The following DTNA variants were observed in gnomAD, a reference collection of about 807,000 sequenced individuals.
DTNA encodes dystrophin-related protein 3.
A neutral mutation model predicts 100.7 loss-of-function variants in DTNA; 43 were observed. The observed-to-expected ratio is 0.43, with a 90% CI of 0.33 to 0.55. The LOEUF is 0.55. Ranked by LOEUF, DTNA falls within the 20% of genes least tolerant of loss-of-function variation. The pLI is 0.04. For missense variants in DTNA, 798 were observed against 953.9 expected (o/e 0.84, Z 2.15); for synonymous variants, 349 against 347.9 (o/e 1.00, Z -0.04).
intron 1 of DTNA, among the ~76,000 whole-genome samples, chr18:34,601,275 A>T (rs1457735644): frequency 6.6e-6 from 1 of 152,188 alleles, no homozygotes; most frequent in African/African-American, 2.4e-5. Flanking sequence ...ATTTATGCAG[A>T]AATTTTTAGG....
chr18:34,511,027 A>T (rs1185164334), intron 1 of DTNA, among the ~76,000 whole-genome samples: 2 of 152,050 alleles, frequency 1.3e-5, no homozygotes, highest in African/African-American at 4.8e-5. Flanking sequence ...ATTTATCCTC[A>T]TTTATAAATT....
Position 34,816,004 on chromosome 18 carries a change from T to C in DTNA, c.699T>C (p.Asn233=). 6.2e-7 allele frequency: 1 copy of C among 1,613,656 alleles called. No homozygotes were observed. Among genetic ancestry groups the C allele is most frequent in the Non-Finnish European group, 8.5e-7 (1 of 1,179,626 alleles). The change falls in exon 7 of 23, where the codon AAT becomes AAC. Residue 233 remains asparagine, a synonymous_variant. Transcript: ENST00000444659. The part of the protein sequence containing the change: ...VWLPLLHRLA[N]VENVFHPVEC... The stretch of plus-strand genomic sequence containing the variant: ...TGCCTCTTCTGCATCGACTAGCAAA[T>C]GTGGAAAATGGTGAGTAGTTACTAA...
At chr18:34,650,370 G>T (rs2060300515) in intron 1 of DTNA, among the ~76,000 whole-genome samples, 1 of 152,092 alleles carries the variant, frequency 6.6e-6, no homozygotes, top group Non-Finnish European at 1.5e-5. Flanking sequence ...ACTGTAAATA[G>T]TGAAAGAAAT....
intron 4 of DTNA, among the ~76,000 whole-genome samples, chr18:34,800,873 A>T (rs540585845): frequency 1.3e-5 from 2 of 152,298 alleles, no homozygotes; most frequent in South Asian, 4.1e-4. Context: ...TGTCAAAAAC[A>T]AATATTCTCT....
intron 1 of DTNA, among the ~76,000 whole-genome samples, chr18:34,529,412 A>C (rs571196566): frequency 6.6e-6 from 1 of 152,250 alleles, no homozygotes; most frequent in Non-Finnish European, 1.5e-5. Flanking sequence ...GAGTAAAATA[A>C]AGCCAAAAGA....
In DTNA at chr18:34,829,509, A is replaced by T. The variant is rs1004037239; in HGVS notation, c.1175+20A>T. ...TGCACGGTCAGTATCCCAGCCCTGA[A>T]TTGCTAATCGTAGTAGTAGTTCCAT... is the stretch of plus-strand genomic sequence containing the variant. On this transcript the variant is annotated intron_variant, in intron 11 of 22. Coordinates refer to ENST00000444659, the MANE Select transcript of DTNA (RefSeq NM_001386795.1). 22 of 1,498,984 alleles carry T rather than the reference A, an allele frequency of 1.5e-5. No individual in the cohort carries two copies. The highest frequency in any genetic ancestry group is 2.0e-5 in the Non-Finnish European group (22 of 1,122,904). The allele number at this position is 1,498,984 out of a possible 1,614,324, so 92.9% of individuals were successfully genotyped here.
At chr18:34,570,626 T>C (rs533177500) in intron 1 of DTNA, among the ~76,000 whole-genome samples, 1 of 152,182 alleles carries the variant, frequency 6.6e-6, no homozygotes, top group Non-Finnish European at 1.5e-5. Flanking sequence ...TCTGAAGAAT[T>C]TGCACAGATT....
chr18:34,748,387 A>G (rs541550821), intron 1 of DTNA, among the ~76,000 whole-genome samples: 25 of 152,256 alleles, frequency 1.6e-4, no homozygotes, highest in African/African-American at 5.8e-4. Context: ...TGCCTAGGTT[A>G]AAGTCTAGAA....
intron 1 of DTNA, among the ~76,000 whole-genome samples, chr18:34,698,960 T>G (rs564725604): frequency 1.9e-4 from 29 of 151,098 alleles, no homozygotes; most frequent in Non-Finnish European, 3.4e-4. Context: ...CACTCAATAC[T>G]AATCATCACA....
chr18:34,730,413 G>T (rs1463704832), intron 1 of DTNA, among the ~76,000 whole-genome samples: 1 of 152,230 alleles, frequency 6.6e-6, no homozygotes, highest in Non-Finnish European at 1.5e-5. Flanking sequence ...AGAATGGCCA[G>T]CCTGTTCTCT....
At chr18:34,645,388 G>T (rs2143385926) in intron 1 of DTNA, among the ~76,000 whole-genome samples, 1 of 152,254 alleles carries the variant, frequency 6.6e-6, no homozygotes, top group Non-Finnish European at 1.5e-5. Context: ...GGCAAAAGCT[G>T]AGAATGTTAT....
chr18:34,733,964 C>A (rs2088932750), intron 1 of DTNA, among the ~76,000 whole-genome samples: 1 of 152,192 alleles, frequency 6.6e-6, no homozygotes. Flanking sequence ...CCTGATCCAA[C>A]TCTATGTTCC....
chr18:34,714,331 C>T (rs1251775478), intron 1 of DTNA, among the ~76,000 whole-genome samples: 1 of 147,308 alleles, frequency 6.8e-6, no homozygotes, highest in Non-Finnish European at 1.5e-5. Context: ...GCAACCTACT[C>T]ATCTGACAAA....
At chr18:34,711,848 T>C (rs1447138545) in intron 1 of DTNA, among the ~76,000 whole-genome samples, 5 of 152,174 alleles carry the variant, frequency 3.3e-5, no homozygotes. Context: ...GTTTCCATGA[T>C]GACAGATATC....
chr18:34,573,335 G>GCCTCTCCTGCTTCCCT (rs1459478197), intron 1 of DTNA, among the ~76,000 whole-genome samples: 1 of 152,106 alleles, frequency 6.6e-6, no homozygotes, highest in Admixed American at 6.6e-5. Context: ...AAACTTTATA[G>GCCTCTCCTGCTTCCCT]CCTCTCCTGC....
chr18:34,755,771 C>T, intron 1 of DTNA: 1 of 540,044 alleles, frequency 1.9e-6, no homozygotes. Context: ...ATCCCCCCTC[C>T]AACAACTACA....
At chr18:34,796,574 T>C (rs944393861) in intron 4 of DTNA, among the ~76,000 whole-genome samples, 1 of 152,132 alleles carries the variant, frequency 6.6e-6, no homozygotes, top group African/African-American at 2.4e-5. Context: ...AGGAGATTTT[T>C]CTCCCATTTG....
At chr18:34,872,253 G>A (rs2096772612) in intron 17 of DTNA, among the ~76,000 whole-genome samples, 1 of 152,184 alleles carries the variant, frequency 6.6e-6, no homozygotes. Context: ...TGCACTAGGA[G>A]ATGGGGAGAG....
intron 20 of DTNA, among the ~76,000 whole-genome samples, chr18:34,881,436 G>GTTTTTTT (rs1603350679): frequency 7.3e-5 from 5 of 68,408 alleles, no homozygotes; most frequent in African/African-American, 3.9e-4. Context: ...TAATTAAAAT[G>GTTTTTTT]CTTTTTTTTT....
Sources: gnomAD v4.1 joint callset for allele counts (sites outside exome capture counted in the v4.1 genomes callset) on GRCh38, gnomAD v4.1.1 for gene constraint, MANE v1.5 for transcripts, NCBI Gene and HGNC (gene_info 2026-07-23, HGNC 2026-07-21) for gene names.